PAXIP1: variants seen among roughly 807,000 people sequenced by gnomAD.
PAXIP1 encodes the protein PAX-interacting protein 1.
In PAXIP1, 19 loss-of-function variants were observed where a neutral mutation model predicts 140.6. The observed-to-expected ratio is 0.14, with a 90% confidence interval of 0.09 to 0.20. The LOEUF (loss-of-function observed/expected upper bound fraction) is 0.20. Among genes scored for constraint, PAXIP1 ranks in the 10% least tolerant of loss-of-function variants. The pLI is 1.00. For missense variants in PAXIP1, 920 were observed against 1,208.6 expected (o/e 0.76, Z 3.54); for synonymous variants, 442 against 444.6 (o/e 0.99, Z 0.07).
rs1456219199 is a variant in PAXIP1 at position 154,943,704 on chromosome 7, C to A, written c.*445G>T. 6.4e-6 allele frequency: 1 copy of A among 157,460 alleles called. No individual in the cohort carries two copies. Among genetic ancestry groups the A allele is most frequent in the Non-Finnish European group, 1.4e-5 (1 of 71,414 alleles). 9.8% of individuals were successfully genotyped at this position (157,460 alleles called of 1,614,324 possible). On this transcript the variant is annotated 3_prime_UTR_variant, in exon 21 of 21. Coordinates refer to ENST00000404141, the MANE Select transcript of PAXIP1 (RefSeq NM_007349.4). ...TTACTCAATTCTAAGTTCAAAAGTA[C>A]ATTTATTTAAAATGTGGGCAAGATA...
intron 16 of PAXIP1, among the ~76,000 whole-genome samples, chr7:154,953,276 T>TG (rs1808354411): frequency 6.6e-6 from 1 of 151,758 alleles, no homozygotes; most frequent in African/African-American, 2.4e-5. Context: ...GAGGCATAGG[T>TG]GAGAAAGTGC....
chr7:155,002,597 G>A (rs190374416), intron 1 of PAXIP1, among the ~76,000 whole-genome samples: 3,737 of 151,934 alleles, frequency 0.025, 77 homozygotes, highest in Non-Finnish European at 0.038. Flanking sequence ...GCAGGCCGGG[G>A]GCTCAGGGCG....
At chr7:155,003,335 C>G (rs1811028147), upstream of PAXIP1, 1 of 151,994 alleles carries the variant, frequency 6.6e-6, no homozygotes, top group African/African-American at 2.4e-5. Flanking sequence ...GGGAAACCAG[C>G]TCCCCCCTCG....
At chr7:154,994,849 T>C (rs918318441) in intron 2 of PAXIP1, among the ~76,000 whole-genome samples, 1 of 152,240 alleles carries the variant, frequency 6.6e-6, no homozygotes, top group Non-Finnish European at 1.5e-5. Context: ...ACTAAGTTAC[T>C]GGATTAGTTA....
At chr7:154,984,046 C>A (rs1585074248) in intron 4 of PAXIP1, among the ~76,000 whole-genome samples, 1 of 152,126 alleles carries the variant, frequency 6.6e-6, no homozygotes, top group East Asian at 1.9e-4. Context: ...ATACAGCTAA[C>A]CCTTCCAACC....
intron 2 of PAXIP1, among the ~76,000 whole-genome samples, chr7:154,995,732 C>T (rs540381559): frequency 1.3e-3 from 205 of 152,172 alleles, no homozygotes; most frequent in South Asian, 6.4e-3. Flanking sequence ...CGCCTGTAGT[C>T]CCAGCTACTA....
At position 154,947,754 on chromosome 7, in the gene PAXIP1, T is replaced by C; in HGVS notation, c.2922+149A>G. On this transcript the variant is annotated intron_variant, in intron 17 of 20. Coordinates refer to ENST00000404141, the MANE Select transcript of PAXIP1 (RefSeq NM_007349.4). Reference sequence around the variant, plus strand: ...AGGAGGAAGACCTCCAGTGGCAATGTCCAAGAAGGAAGCCAAGAGGTAAAT... The same window carrying C: ...AGGAGGAAGACCTCCAGTGGCAATGCCCAAGAAGGAAGCCAAGAGGTAAAT... The C allele has an allele frequency of 4.5e-6, 3 of 671,550 alleles. No homozygotes were observed. In the South Asian group the frequency reaches 5.2e-5, roughly 12 times the overall value. 41.6% of individuals were successfully genotyped at this position (671,550 alleles called of 1,614,324 possible).
At chr7:154,999,293 C>A (rs1810779683) in intron 1 of PAXIP1, among the ~76,000 whole-genome samples, 1 of 152,194 alleles carries the variant, frequency 6.6e-6, no homozygotes, top group Admixed American at 6.5e-5. Flanking sequence ...GAATACAGAG[C>A]AGACCGTAAA....
At chr7:155,002,587 G>T (rs1446314858) in intron 1 of PAXIP1, among the ~76,000 whole-genome samples, 1 of 151,714 alleles carries the variant, frequency 6.6e-6, no homozygotes, top group Non-Finnish European at 1.5e-5. Flanking sequence ...CCCCAGGGCC[G>T]CAGGCCGGGG....
chr7:154,945,801 T>A, intron 20 of PAXIP1: 1 of 984,680 alleles, frequency 1.0e-6, no homozygotes, highest in Non-Finnish European at 1.2e-6. Flanking sequence ...AGATTTTTAA[T>A]AAGGAATTCA....
Position 154,944,293 on chromosome 7 carries a change from T to C in PAXIP1, c.3195-129A>G, listed in dbSNP as rs1585028295. ...AATGCTACAGCCTCTTTCTTACCCATTCAAACCAGTCGCTCTGCTGCATAC... is the reference window on the plus strand; with the variant it reads ...AATGCTACAGCCTCTTTCTTACCCACTCAAACCAGTCGCTCTGCTGCATAC... On this transcript the variant is annotated intron_variant, in intron 20 of 20. Coordinates refer to ENST00000404141, the MANE Select transcript of PAXIP1 (RefSeq NM_007349.4). 1.9e-5 allele frequency: 14 copies of C among 741,516 alleles called. No individual in the cohort carries two copies. The East Asian group carries it at 3.7e-4, about 20-fold the overall frequency. 45.9% of individuals were successfully genotyped at this position (741,516 alleles called of 1,614,324 possible). A position where few individuals can be genotyped will look rare whatever the true frequency, so the allele number is the denominator to read the frequency against.
chr7:155,002,779 C>T, intron 1 of PAXIP1, 70 bp downstream of exon 1: 3 of 816,300 alleles, frequency 3.7e-6, no homozygotes, highest in Non-Finnish European at 3.2e-6. Flanking sequence ...GGAGCGGGGA[C>T]GGGGACGGGG....
intron 15 of PAXIP1, among the ~76,000 whole-genome samples, chr7:154,955,175 CTG>C (rs1450735089): frequency 1.3e-5 from 2 of 152,158 alleles, no homozygotes; most frequent in Non-Finnish European, 2.9e-5. Flanking sequence ...CTTGGATAGA[CTG>C]TGTTTCAATC....
Position 154,961,535 on chromosome 7 carries a change from G to A in PAXIP1, c.2241C>T (p.Ile747=), listed in dbSNP as rs370609359. ...TTCGAAAATTTGCTTACTCTTTACAGATGAGGACTGTGTTGCTGCGGCATA... is the reference window on the plus strand; with the variant it reads ...TTCGAAAATTTGCTTACTCTTTACAAATGAGGACTGTGTTGCTGCGGCATA... ...GYLCRSNTVL[I]CKEPTGLKYE... The change falls in exon 11 of 21, where the codon ATC becomes ATT. Residue 747 remains isoleucine, a synonymous_variant. Transcript: ENST00000404141. 2.3e-4 allele frequency: 368 copies of A among 1,603,710 alleles called. 1 individual carries two copies. The highest frequency in any genetic ancestry group is 1.4e-3 in the Admixed American group (79 of 58,496).
intron 4 of PAXIP1, among the ~76,000 whole-genome samples, chr7:154,988,329 G>A (rs750325871): frequency 1.3e-5 from 2 of 152,054 alleles, no homozygotes; most frequent in Non-Finnish European, 1.5e-5. Context: ...CCCTCGCCTC[G>A]CAATCCAGAC....
intron 1 of PAXIP1, 135 bp from the exon 2 acceptor site, chr7:154,998,919 C>A: frequency 1.3e-6 from 1 of 749,338 alleles, no homozygotes; most frequent in Non-Finnish European, 2.1e-6. Flanking sequence ...AAACTAACAG[C>A]CTTTTACTCT....
At chr7:154,948,364 A>G in intron 16 of PAXIP1, 1 of 227,212 alleles carries the variant, frequency 4.4e-6, no homozygotes, top group Non-Finnish European at 8.9e-6. Context: ...TGGGCAACAC[A>G]GTGAGACTTC....
chr7:154,945,446 G>T, intron 20 of PAXIP1: 1 of 645,508 alleles, frequency 1.5e-6, no homozygotes, highest in Non-Finnish European at 1.9e-6. Flanking sequence ...GTAATTACCT[G>T]GATGAAACAG....
In PAXIP1 at chr7:154,977,930, T is replaced by C; in HGVS notation, c.439-1599A>G. 1.6e-5 allele frequency among the ~76,000 whole-genome samples: 2 copies of C among 123,864 alleles called. 1 individual carries two copies. Among genetic ancestry groups the C allele is most frequent in the African/African-American group, 5.9e-5 (2 of 33,684 alleles). The allele number at this position is 123,864 out of a possible 152,430, so 81.3% of individuals were successfully genotyped here. On this transcript the variant is annotated intron_variant, in intron 5 of 20. Coordinates refer to ENST00000404141, the MANE Select transcript of PAXIP1 (RefSeq NM_007349.4). The stretch of plus-strand genomic sequence containing the variant: ...ATTTTCGAACACAGACCAAACTTTT[T>C]AATGTACATTTTCGAACGCAGACCA...
Sources: allele counts gnomAD v4.1 joint callset (sites outside exome capture counted in the v4.1 genomes callset), GRCh38; gene constraint gnomAD v4.1.1; transcripts MANE v1.5; gene names NCBI Gene and HGNC (gene_info 2026-07-23, HGNC 2026-07-21).